The following R3HDM1 variants were observed in gnomAD, a reference collection of about 807,000 sequenced individuals.
R3HDM1 encodes R3H domain-containing protein 1.
Under a neutral mutation model 141.1 loss-of-function variants are expected in R3HDM1, and 46 were observed. The ratio of observed to expected loss-of-function variants is 0.33; its 90% CI spans 0.26 to 0.42. The LOEUF (loss-of-function observed/expected upper bound fraction) is 0.42, where lower values mean the gene tolerates loss of function less well. R3HDM1 is among the 10% of genes least tolerant of loss of function. The probability of loss-of-function intolerance (pLI) is 1.00; values close to 1 mark genes in which losing one functional copy is unlikely to be tolerated. For synonymous variants in R3HDM1, 435 were observed against 472.9 expected, an observed-to-expected ratio of 0.92 and a Z score of 1.04; for missense variants, 1,184 against 1,368.3, an observed-to-expected ratio of 0.87 and a Z score of 2.12.
chr2:135,623,992 G>C (rs550692735), intron 7 of R3HDM1, among the ~76,000 whole-genome samples: 138 of 152,310 alleles, frequency 9.1e-4, no homozygotes, highest in African/African-American at 3.1e-3. Flanking sequence ...TATACAGAGA[G>C]ACATGGGAAG....
At chr2:135,611,991 C>G (rs2060594090) in intron 3 of R3HDM1, among the ~76,000 whole-genome samples, 1 of 152,178 alleles carries the variant, frequency 6.6e-6, no homozygotes, top group African/African-American at 2.4e-5. Context: ...TAGTTTGTGA[C>G]TTTCTCCACA....
intron 1 of R3HDM1, among the ~76,000 whole-genome samples, chr2:135,588,987 T>C (rs914325101): frequency 3.3e-5 from 5 of 152,174 alleles, no homozygotes; most frequent in Admixed American, 2.6e-4. Flanking sequence ...GAGAGTATTT[T>C]TTAATGTTTT....
At position 135,604,626 on chromosome 2, in the gene R3HDM1, A is replaced by G. The variant is rs147272123; in HGVS notation, c.-40-180A>G. On this transcript the variant is annotated intron_variant, in intron 2 of 26. Transcript: ENST00000683871. ...CTTTCTATAGCTCTTTTCTCACTGTATTGTGATCTTTTTTTTAATTTGGAT... is the reference window on the plus strand; with the variant it reads ...CTTTCTATAGCTCTTTTCTCACTGTGTTGTGATCTTTTTTTTAATTTGGAT... Among the ~76,000 whole-genome samples the G allele has an allele frequency of 1.3e-3, 191 of 152,018 alleles. 2 individuals are homozygous for G. In the East Asian group the frequency reaches 0.025, roughly 20 times the overall value.
At chr2:135,596,808 AC>A (rs2059235589) in intron 1 of R3HDM1, among the ~76,000 whole-genome samples, 1 of 152,218 alleles carries the variant, frequency 6.6e-6, no homozygotes, top group South Asian at 2.1e-4. Flanking sequence ...TCCTATTAAT[AC>A]AACATTTGGT....
intron 1 of R3HDM1, chr2:135,576,940 C>A: frequency 3.9e-6 from 1 of 258,688 alleles, no homozygotes; most frequent in Non-Finnish European, 6.0e-6. Context: ...GATGGCTACA[C>A]AACTGTATGA....
chr2:135,584,773 A>G (rs1049053402), intron 1 of R3HDM1, among the ~76,000 whole-genome samples: 1 of 152,188 alleles, frequency 6.6e-6, no homozygotes, highest in Non-Finnish European at 1.5e-5. Flanking sequence ...GAGAGAGAGA[A>G]TCTTTTGAAA....
chr2:135,566,692 C>G (rs1261892369), intron 1 of R3HDM1: 3 of 962,712 alleles, frequency 3.1e-6, no homozygotes, highest in East Asian at 1.1e-4. Flanking sequence ...GTTTGGTGAG[C>G]AAGAGGTTCA....
intron 18 of R3HDM1, among the ~76,000 whole-genome samples, chr2:135,654,863 AGTGTGT>A (rs60593262): frequency 0.035 from 4,770 of 136,658 alleles, 212 homozygotes; most frequent in African/African-American, 0.11. Flanking sequence ...GTGTATATAA[AGTGTGT>A]GTGTGTGTGT....
chr2:135,614,262 T>TA (rs1489532640), intron 3 of R3HDM1, among the ~76,000 whole-genome samples: 1 of 152,214 alleles, frequency 6.6e-6, no homozygotes, highest in Admixed American at 6.5e-5. Context: ...TCTCAAGCAT[T>TA]ACGATAGGAA....
At chr2:135,599,839 C>T (rs1273511523) in intron 1 of R3HDM1, among the ~76,000 whole-genome samples, 4 of 152,004 alleles carry the variant, frequency 2.6e-5, no homozygotes, top group African/African-American at 9.7e-5. Flanking sequence ...TGAGACCAGC[C>T]TGTGCAAAAT....
intron 18 of R3HDM1, chr2:135,656,522 G>A (rs2065914010): frequency 6.6e-6 from 1 of 151,608 alleles, no homozygotes; most frequent in African/African-American, 2.4e-5. Flanking sequence ...CCTTGTGCAG[G>A]GGCCATGCTA....
intron 1 of R3HDM1, among the ~76,000 whole-genome samples, chr2:135,569,805 C>T (rs1052329478): frequency 6.7e-6 from 1 of 149,924 alleles, no homozygotes; most frequent in South Asian, 2.1e-4. Flanking sequence ...CGGCTCACTG[C>T]AAGCTCCGCC....
intron 21 of R3HDM1, among the ~76,000 whole-genome samples, chr2:135,708,556 T>C (rs1010190674): frequency 1.3e-5 from 2 of 152,216 alleles, no homozygotes; most frequent in Non-Finnish European, 2.9e-5. Context: ...TCTCAGTTAC[T>C]CATGAATTCT....
rs537569627 is a variant in R3HDM1, at chr2:135,662,992, C to T, written c.2152+1599C>T. ...CTCTATTAATAAGGCAAGCAAAAAT[C>T]CTTTGTTCTGTGTTTGTGTTAGCTT... On this transcript the variant is annotated intron_variant, in intron 19 of 26. Coordinates refer to ENST00000683871, the MANE Select transcript of R3HDM1 (RefSeq NM_001378107.1). Among the ~76,000 whole-genome samples, 8 of 152,100 alleles carry T rather than the reference C, an allele frequency of 5.3e-5. No individual in the cohort carries two copies. In the South Asian group the frequency reaches 1.7e-3, roughly 32 times the overall value.
rs768754512 is a variant in R3HDM1, at chr2:135,675,307, G to C, written c.2153-25G>C. 3.1e-6 allele frequency: 5 copies of C among 1,595,430 alleles called. No individual in the cohort carries two copies. The East Asian group carries it at 1.1e-4, about 36-fold the overall frequency. On this transcript the variant is annotated intron_variant, in intron 19 of 26. Coordinates refer to ENST00000683871, the MANE Select transcript of R3HDM1 (RefSeq NM_001378107.1). Reference sequence around the variant, plus strand: ...ACTAGATGAAATGAATTCAGAGCAGGATTTAACTCATTGTACCATTACAGG... The same window carrying C: ...ACTAGATGAAATGAATTCAGAGCAGCATTTAACTCATTGTACCATTACAGG...
intron 1 of R3HDM1, among the ~76,000 whole-genome samples, chr2:135,545,688 G>A (rs1698539588): frequency 6.6e-6 from 1 of 152,154 alleles, no homozygotes; most frequent in Admixed American, 6.5e-5. Flanking sequence ...TCAGCTAGGT[G>A]TATTCATTAG....
At chr2:135,711,153 T>A (rs1240323816) in intron 23 of R3HDM1, among the ~76,000 whole-genome samples, 1 of 152,206 alleles carries the variant, frequency 6.6e-6, no homozygotes, top group Non-Finnish European at 1.5e-5. Flanking sequence ...TATTCAAGCC[T>A]CTAACCCTAG....
At chr2:135,681,361 T>A (rs1370806332) in intron 21 of R3HDM1, among the ~76,000 whole-genome samples, 1 of 152,252 alleles carries the variant, frequency 6.6e-6, no homozygotes, top group East Asian at 1.9e-4. Flanking sequence ...CAAATCCGCC[T>A]CTGAAAATAG....
At chr2:135,543,024 C>T (rs1253262825) in intron 1 of R3HDM1, 1 of 884,812 alleles carries the variant, frequency 1.1e-6, no homozygotes, top group African/African-American at 1.8e-5. Context: ...AGGTGTGAGC[C>T]ACTGTCCCTG....
Sources: gnomAD v4.1 joint callset for allele counts (sites outside exome capture counted in the v4.1 genomes callset) on GRCh38, gnomAD v4.1.1 for gene constraint, MANE v1.5 for transcripts, NCBI Gene and HGNC (gene_info 2026-07-23, HGNC 2026-07-21) for gene names.